Variants in FECH observed in about 807,000 individuals in gnomAD.
The protein encoded by FECH is ferrochelatase, mitochondrial.
Under a neutral mutation model 56.9 loss-of-function variants are expected in FECH, and 40 were observed. The observed-to-expected ratio is 0.70, with a 90% CI of 0.55 to 0.92. The LOEUF is 0.92. Among genes scored for constraint, FECH ranks in the 40% least tolerant of loss-of-function variants. FECH has a pLI of 0.00. For synonymous variants in FECH, 175 were observed against 198.6 expected (o/e 0.88, Z 1.00); for missense variants, 431 against 529.1 (o/e 0.81, Z 1.82).
At chr18:57,578,397 G>GTGGCTCA (rs1285209489) in intron 2 of FECH, among the ~76,000 whole-genome samples, 1 of 152,130 alleles carries the variant, frequency 6.6e-6, no homozygotes, top group African/African-American at 2.4e-5. Flanking sequence ...ACGGTGGCTC[G>GTGGCTCA]TGGCTCATGG....
At chr18:57,567,431 A>G (rs1438470899) in intron 4 of FECH, among the ~76,000 whole-genome samples, 1 of 152,182 alleles carries the variant, frequency 6.6e-6, no homozygotes, top group African/African-American at 2.4e-5. Flanking sequence ...TTGTAGTTCA[A>G]AAACATCCAC....
At chr18:57,569,591 A>G (rs2051066215) in intron 4 of FECH, among the ~76,000 whole-genome samples, 1 of 152,192 alleles carries the variant, frequency 6.6e-6, no homozygotes, top group Non-Finnish European at 1.5e-5. Context: ...GGCGGGAAGG[A>G]TGCCCTCCTG....
chr18:57,552,798 G>A (rs2050816121), intron 9 of FECH, among the ~76,000 whole-genome samples: 1 of 152,212 alleles, frequency 6.6e-6, no homozygotes, highest in South Asian at 2.1e-4. Context: ...TGAAGAGGCT[G>A]TATTCTCAAA....
intron 5 of FECH, 94 bp downstream of exon 5, chr18:57,566,353 G>T: frequency 2.6e-6 from 4 of 1,560,210 alleles, no homozygotes; most frequent in East Asian, 2.2e-5. Context: ...CATTCAAATT[G>T]CAAATAATTC....
At chr18:57,556,361 G>C (rs540251044) in intron 7 of FECH, among the ~76,000 whole-genome samples, 7 of 152,184 alleles carry the variant, frequency 4.6e-5, no homozygotes, top group African/African-American at 1.7e-4. Flanking sequence ...TAATTACAAA[G>C]AGAAAAATAG....
chr18:57,564,399 T>C (rs144297217), intron 5 of FECH, among the ~76,000 whole-genome samples: 3 of 152,336 alleles, frequency 2.0e-5, no homozygotes, highest in African/African-American at 4.8e-5. Flanking sequence ...GGAGTTAGCA[T>C]TGGGGTCACA....
chr18:57,570,069 G>A, intron 4 of FECH, among the ~76,000 whole-genome samples: 1 of 136,924 alleles, frequency 7.3e-6, no homozygotes, highest in South Asian at 2.3e-4. Flanking sequence ...GTGTGTGTGT[G>A]TGTGTGTGTA....
chr18:57,579,429 G>A (rs73436945), intron 2 of FECH, among the ~76,000 whole-genome samples: 1,886 of 151,974 alleles, frequency 0.012, 23 homozygotes, highest in African/African-American at 0.041. Context: ...AAAGGGTGCT[G>A]TTTCTATGTA....
chr18:57,566,730 T>C (rs933928806), intron 4 of FECH, 149 bp from the exon 5 acceptor site: 2 of 965,456 alleles, frequency 2.1e-6, no homozygotes, highest in African/African-American at 3.2e-5. Context: ...GCATATTCCT[T>C]GGATCTTATC....
At position 57,573,244 on chromosome 18, in the gene FECH, A is replaced by C. The variant is rs149067146; in HGVS notation, c.314+2T>G. 6.3e-5 allele frequency: 102 copies of C among 1,612,900 alleles called. No homozygotes were observed. Among genetic ancestry groups the C allele is most frequent in the Non-Finnish European group, 8.6e-5 (101 of 1,178,944 alleles). On this transcript the variant is annotated splice_donor_variant, in intron 3 of 10. Coordinates refer to ENST00000262093, the MANE Select transcript of FECH (RefSeq NM_000140.5). LOFTEE classifies it high-confidence loss of function. ...TAATTGAGGTGTTTATATATATCTC[A>C]CTTCTGAATAGGAAGTGTCATGAGG...
At chr18:57,571,793 A>G (rs2051114700) in intron 3 of FECH, among the ~76,000 whole-genome samples, 1 of 152,242 alleles carries the variant, frequency 6.6e-6, no homozygotes, top group Non-Finnish European at 1.5e-5. Context: ...CTGAAGATTC[A>G]GGACACACAA....
intron 1 of FECH, among the ~76,000 whole-genome samples, chr18:57,583,052 T>C (rs745776265): frequency 1.3e-5 from 2 of 152,176 alleles, no homozygotes; most frequent in Non-Finnish European, 2.9e-5. Context: ...AATTATTTTC[T>C]CCATGGTTCA....
chr18:57,550,857 G>A lies in FECH; in HGVS notation c.1138-11C>T. On this transcript the variant is annotated splice_polypyrimidine_tract_variant and intron_variant, in intron 10 of 10. Coordinates refer to ENST00000262093, the MANE Select transcript of FECH (RefSeq NM_000140.5). ...CAAGTCGGCCAGGGCCTGGAAGATA[G>A]ACAAGAGGCAAAGACGCATGAGAAG... 1 of 1,613,276 alleles carries A rather than the reference G, an allele frequency of 6.2e-7. No homozygotes were observed. The highest frequency in any genetic ancestry group is 8.5e-7 in the Non-Finnish European group (1 of 1,180,012).
chr18:57,572,589 G>T (rs1203988925), intron 3 of FECH, among the ~76,000 whole-genome samples: 3 of 5,244 alleles, frequency 5.7e-4, no homozygotes, highest in South Asian at 8.6e-3. Flanking sequence ...GTAACGAAGT[G>T]GGGGGGGGGG....
intron 1 of FECH, among the ~76,000 whole-genome samples, chr18:57,582,636 G>A (rs2051299484): frequency 6.6e-6 from 1 of 151,584 alleles, no homozygotes; most frequent in African/African-American, 2.4e-5. Flanking sequence ...AAGAAAGGCC[G>A]GGCGCGGTGG....
In FECH at chr18:57,570,076, T is replaced by A. The variant is rs548286862; in HGVS notation, c.463+1316A>T. Among the ~76,000 whole-genome samples, 809 of 141,354 alleles carry A rather than the reference T, an allele frequency of 5.7e-3. 5 individuals are homozygous for A. Among genetic ancestry groups the A allele is most frequent in the African/African-American group, 0.02 (733 of 37,110 alleles). 92.7% of individuals were successfully genotyped at this position (141,354 alleles called of 152,430 possible). On this transcript the variant is annotated intron_variant, in intron 4 of 10. Transcript: ENST00000262093. ...GTGTGTGTGTGTGTGTGTGTGTGTGTGTAGACAGAGTTTCACCATGTTGCT... is the reference window on the plus strand; with the variant it reads ...GTGTGTGTGTGTGTGTGTGTGTGTGAGTAGACAGAGTTTCACCATGTTGCT...
chr18:57,566,597 T>C lies in FECH; in HGVS notation c.464-16A>G, dbSNP rs780594852. On this transcript the variant is annotated splice_polypyrimidine_tract_variant and intron_variant, in intron 4 of 10. Coordinates refer to ENST00000262093, the MANE Select transcript of FECH (RefSeq NM_000140.5). ...TTGTGAGGGGCTATTAGGAAGCACA[T>C]GTGGAAAGGAGAAAGTGTTAATCCT... is the stretch of plus-strand genomic sequence containing the variant. 1.9e-6 allele frequency: 3 copies of C among 1,614,046 alleles called. No homozygotes were observed. The highest frequency in any genetic ancestry group is 2.5e-6 in the Non-Finnish European group (3 of 1,179,926).
intron 7 of FECH, among the ~76,000 whole-genome samples, chr18:57,558,510 C>A (rs935941264): frequency 8.5e-5 from 13 of 152,216 alleles, no homozygotes; most frequent in East Asian, 7.7e-4. Context: ...GAGACCCCCC[C>A]ACTCAACACA....
In FECH at chr18:57,546,998, G is replaced by C. The variant is rs779515748; in HGVS notation, c.*3714C>G. Among the ~76,000 whole-genome samples the C allele has an allele frequency of 3.3e-5, 5 of 152,034 alleles. No homozygotes were observed. The highest frequency in any genetic ancestry group is 5.9e-5 in the Non-Finnish European group (4 of 68,018). On this transcript the variant is annotated 3_prime_UTR_variant, in exon 11 of 11. Transcript: ENST00000262093. ...AAAAATTTAAGGAGTGCCCTGCCGGGTTTCAGACTTGCACAGTGGAGTGCA... is the reference window on the plus strand; with the variant it reads ...AAAAATTTAAGGAGTGCCCTGCCGGCTTTCAGACTTGCACAGTGGAGTGCA...
Sources: gnomAD v4.1 joint callset for allele counts (sites outside exome capture counted in the v4.1 genomes callset) on GRCh38, gnomAD v4.1.1 for gene constraint, MANE v1.5 for transcripts, NCBI Gene and HGNC (gene_info 2026-07-23, HGNC 2026-07-21) for gene names.